ATP11C: variants seen among roughly 807,000 people sequenced by gnomAD.
The protein encoded by ATP11C is phospholipid-transporting ATPase IG.
Under a neutral mutation model 97.4 loss-of-function variants are expected in ATP11C, and 36 were observed. That is an observed-to-expected ratio of 0.37 (90% CI 0.28 to 0.49). ATP11C has a LOEUF of 0.49. Ranked by LOEUF, ATP11C falls within the 20% of genes least tolerant of loss-of-function variation. ATP11C has a pLI of 0.98. For missense variants in ATP11C, 730 were observed against 824.6 expected, an observed-to-expected ratio of 0.89 and a Z score of 1.40; for synonymous variants, 275 against 290.9, an observed-to-expected ratio of 0.95 and a Z score of 0.56.
chrX:139,783,963 AT>A (rs1461846068), intron 16 of ATP11C, among the ~76,000 whole-genome samples: 2 of 112,343 alleles, frequency 1.8e-5, no homozygotes, highest in Non-Finnish European at 3.8e-5. Context: ...AGCTGAAATA[AT>A]TTTGAATAAA....
chrX:139,852,221 AC>A (rs1321690227), intron 1 of ATP11C, among the ~76,000 whole-genome samples: 1 of 110,167 alleles, frequency 9.1e-6, no homozygotes, highest in Admixed American at 9.6e-5. Flanking sequence ...ACCCTTCTAT[AC>A]AGAAGTACCT....
chrX:139,895,462 G>T (rs2084791013), intron 1 of ATP11C, among the ~76,000 whole-genome samples: 1 of 111,213 alleles, frequency 9.0e-6, no homozygotes, highest in Non-Finnish European at 1.9e-5. Flanking sequence ...TAGAGACAGG[G>T]TTTTGCCATG....
At chrX:139,908,046 C>T (rs953570183) in intron 1 of ATP11C, among the ~76,000 whole-genome samples, 1 of 110,902 alleles carries the variant, frequency 9.0e-6, no homozygotes, top group Non-Finnish European at 1.9e-5. Flanking sequence ...TTATCATCGC[C>T]CTCCCCATCT....
In ATP11C at chrX:139,750,114, G is replaced by GC; in HGVS notation, c.2738_2739insG (p.Ile913MetfsTer12). 1 of 1,203,130 alleles carries GC rather than the reference G, an allele frequency of 8.3e-7. No individual in the cohort carries two copies. Reference sequence around the variant, plus strand: ...CCAGGATGGGCAAGGATGTGAAGCAGATATTGTACATTGTAAGGTAAGCAG... The same window carrying GC: ...CCAGGATGGGCAAGGATGTGAAGCAGCATATTGTACATTGTAAGGTAAGCAG... On this transcript the variant is annotated frameshift_variant, in exon 24 of 30. Coordinates refer to ENST00000682941, the MANE Select transcript of ATP11C (RefSeq NM_001353812.2). LOFTEE classifies it high-confidence loss of function.
intron 1 of ATP11C, among the ~76,000 whole-genome samples, chrX:139,873,445 C>G (rs1324941136): frequency 1.8e-5 from 2 of 111,037 alleles, no homozygotes; most frequent in Non-Finnish European, 3.8e-5. Flanking sequence ...TGGGGGTTCA[C>G]GCCTGTAATC....
At chrX:139,729,928 C>T (rs953027448) in intron 29 of ATP11C, among the ~76,000 whole-genome samples, 1 of 111,395 alleles carries the variant, frequency 9.0e-6, no homozygotes, top group Admixed American at 9.5e-5. Flanking sequence ...TCCAGAACCA[C>T]TAGTAGGTTT....
chrX:139,809,106 CTT>C (rs1335132036), intron 5 of ATP11C, among the ~76,000 whole-genome samples: 1 of 104,462 alleles, frequency 9.6e-6, no homozygotes, highest in Non-Finnish European at 2.0e-5. Context: ...GAGTGAGACT[CTT>C]GTCTTAAAAA....
At chrX:139,732,511 G>C (rs1167611815) in intron 28 of ATP11C, 1 of 363,286 alleles carries the variant, frequency 2.8e-6, no homozygotes, top group Non-Finnish European at 5.4e-6. Flanking sequence ...CTGAGGAAGG[G>C]AGGCGTTTCG....
chrX:139,789,202 CA>C (rs368007132), intron 13 of ATP11C, 124 bp downstream of exon 13: 8,106 of 395,451 alleles, frequency 0.02, no homozygotes, highest in Non-Finnish European at 0.022. Context: ...GACTCCATCT[CA>C]AAAAAAAAAA....
At chrX:139,897,283 A>G (rs2084825621) in intron 1 of ATP11C, among the ~76,000 whole-genome samples, 1 of 111,580 alleles carries the variant, frequency 9.0e-6, no homozygotes. Context: ...ATGTACATCT[A>G]TTATGTATCA....
intron 1 of ATP11C, among the ~76,000 whole-genome samples, chrX:139,898,472 A>C (rs927231430): frequency 1.4e-4 from 16 of 111,555 alleles, no homozygotes; most frequent in Non-Finnish European, 2.8e-4. Flanking sequence ...ATGTTTTCAT[A>C]AAGGTTTTAG....
rs1449669652 is a variant in ATP11C at position 139,796,558 on chromosome X, T to C, written c.1009-88A>G. On this transcript the variant is annotated intron_variant, in intron 11 of 29. Coordinates refer to ENST00000682941, the MANE Select transcript of ATP11C (RefSeq NM_001353812.2). ...AAAGGAAGAATTAATTTCATCTTTA[T>C]TTCAATGCTGAAAACACTGCTCTTG... is the stretch of plus-strand genomic sequence containing the variant. The C allele has an allele frequency of 4.8e-6, 3 of 620,489 alleles. No homozygotes were observed. In the African/African-American group the frequency reaches 6.8e-5, roughly 14 times the overall value. 51.1% of individuals were successfully genotyped at this position (620,489 alleles called of 1,213,427 possible).
chrX:139,909,854 TG>T (rs2085044356), intron 1 of ATP11C: 1 of 111,712 alleles, frequency 9.0e-6, no homozygotes, highest in Admixed American at 9.6e-5. Flanking sequence ...AGGAAGACGC[TG>T]GGGAAATGAG....
intron 1 of ATP11C, among the ~76,000 whole-genome samples, chrX:139,921,548 T>C (rs1389163073): frequency 8.9e-6 from 1 of 112,003 alleles, no homozygotes; most frequent in Admixed American, 9.5e-5. Context: ...TAAAGCAGTA[T>C]GAAAATAGAC....
At chrX:139,782,187 C>T (rs891297908) in intron 18 of ATP11C, among the ~76,000 whole-genome samples, 22 of 108,996 alleles carry the variant, frequency 2.0e-4, no homozygotes, top group Non-Finnish European at 3.4e-4. Context: ...ATTAGCCGGG[C>T]GTGGTGGTGG....
At chrX:139,791,177 A>C (rs1292545797) in intron 12 of ATP11C, among the ~76,000 whole-genome samples, 1 of 110,843 alleles carries the variant, frequency 9.0e-6, no homozygotes, top group Non-Finnish European at 1.9e-5. Flanking sequence ...TTTTCTGTTA[A>C]GCCAGCCAAG....
intron 16 of ATP11C, among the ~76,000 whole-genome samples, 177 bp downstream of exon 16, chrX:139,785,049 A>T (rs1473800641): frequency 1.8e-5 from 2 of 112,190 alleles, no homozygotes; most frequent in African/African-American, 6.5e-5. Flanking sequence ...ACAATTTGGT[A>T]AACAGAACAT....
chrX:139,797,853 G>A (rs1027545087), intron 10 of ATP11C, among the ~76,000 whole-genome samples: 1 of 111,551 alleles, frequency 9.0e-6, no homozygotes, highest in Non-Finnish European at 1.9e-5. Context: ...GATCTACGAG[G>A]CACTGCTTCA....
At chrX:139,808,944 C>A (rs745702730) in intron 5 of ATP11C, among the ~76,000 whole-genome samples, 8 of 110,924 alleles carry the variant, frequency 7.2e-5, no homozygotes, top group Non-Finnish European at 1.5e-4. Context: ...AAAACCCCGT[C>A]TCTACCAAAA....
Sources: allele counts gnomAD v4.1 joint callset (sites outside exome capture counted in the v4.1 genomes callset), GRCh38; gene constraint gnomAD v4.1.1; transcripts MANE v1.5; gene names NCBI Gene and HGNC (gene_info 2026-07-23, HGNC 2026-07-21).